The following IGF2R variants were observed in gnomAD, a reference collection of about 807,000 sequenced individuals.
IGF2R encodes the protein insulin like growth factor 2 receptor, also known as cation-independent mannose-6-phosphate receptor.
In IGF2R, 91 loss-of-function variants were observed where a neutral mutation model predicts 270.6. The observed-to-expected ratio is 0.34, with a 90% CI of 0.28 to 0.40. IGF2R has a LOEUF of 0.40. Ranked by LOEUF, IGF2R falls within the 10% of genes least tolerant of loss-of-function variation. IGF2R has a pLI of 1.00. For synonymous variants in IGF2R, 1,316 were observed against 1,258.9 expected, an observed-to-expected ratio of 1.05 and a Z score of -0.96; for missense variants, 2,805 against 3,188.3, an observed-to-expected ratio of 0.88 and a Z score of 2.90.
At chr6:160,086,350 C>T (rs559554846) in intron 41 of IGF2R, among the ~76,000 whole-genome samples, 36 of 152,316 alleles carry the variant, frequency 2.4e-4, no homozygotes, top group African/African-American at 7.9e-4. Context: ...TAATCTTTGG[C>T]GCCAACAAGA....
At chr6:160,021,493 A>G (rs1777433845) in intron 4 of IGF2R, among the ~76,000 whole-genome samples, 1 of 150,960 alleles carries the variant, frequency 6.6e-6, no homozygotes. Flanking sequence ...ACCTAATGCT[A>G]AATGACGAGT....
chr6:159,983,480 G>A (rs1783835851), intron 1 of IGF2R, among the ~76,000 whole-genome samples: 1 of 152,230 alleles, frequency 6.6e-6, no homozygotes, highest in Admixed American at 6.5e-5. Context: ...ACAGTCAGGA[G>A]CAAAACAGTA....
intron 3 of IGF2R, 142 bp from the exon 4 acceptor site, chr6:160,010,545 G>A (rs1022491455): frequency 1.4e-5 from 8 of 570,126 alleles, no homozygotes; most frequent in Admixed American, 6.1e-5. Flanking sequence ...TGATGACCCC[G>A]TTTAACTAAA....
intron 41 of IGF2R, 23 bp downstream of exon 41, chr6:160,085,154 C>T (rs1233795842): frequency 3.1e-6 from 5 of 1,610,098 alleles, no homozygotes; most frequent in Middle Eastern, 2.1e-4. Context: ...GGTCCTGGTC[C>T]TTGGTTCAAG....
At chr6:160,096,731 A>G (rs1203789972) in intron 45 of IGF2R, 106 bp downstream of exon 45, 5 of 939,190 alleles carry the variant, frequency 5.3e-6, no homozygotes, top group Non-Finnish European at 7.8e-6. Flanking sequence ...TATTCAGAAC[A>G]TGCACCAAAA....
chr6:160,068,065 G>T (rs635134), intron 29 of IGF2R, among the ~76,000 whole-genome samples, 184 bp from the exon 30 acceptor site: 17,420 of 77,072 alleles, frequency 0.23, 1,037 homozygotes, highest in Middle Eastern at 0.28. Flanking sequence ...TCTGATGGGG[G>T]GTGTGTGTGT....
At chr6:159,980,240 G>GAAAGA (rs1562330732) in intron 1 of IGF2R, among the ~76,000 whole-genome samples, 1 of 106,762 alleles carries the variant, frequency 9.4e-6, no homozygotes, top group African/African-American at 3.3e-5. Context: ...AGAAAGAAAG[G>GAAAGA]TACATGGAAG....
chr6:160,084,166 T>C lies in IGF2R; in HGVS notation c.6050T>C (p.Leu2017Pro). ...TCCTCTCTCACCGGGTCCTGGTCCC[T>C]CGTCCACAACGGAGTCTCGTGAGTG... ...LLSSLTGSWS[L>P]VHNGVSYYIN... Residue 2017 changes from leucine to proline, a missense_variant, in exon 40 of 48, where the codon CTC (leucine) becomes CCC (proline). Physicochemically the swap from Leu to Pro is moderately conservative, Grantham distance 98. Transcript: ENST00000356956. The surrounding 1 kb of genome is among the most constrained non-coding windows in gnomAD (Gnocchi z 4.6). The C allele has an allele frequency of 6.2e-7, 1 of 1,612,508 alleles. No homozygotes were observed. The highest frequency in any genetic ancestry group is 8.5e-7 in the Non-Finnish European group (1 of 1,178,510).
intron 32 of IGF2R, among the ~76,000 whole-genome samples, chr6:160,072,391 G>T (rs577361874): frequency 6.6e-6 from 1 of 152,194 alleles, no homozygotes; most frequent in South Asian, 2.1e-4. Context: ...CAGTGTAGTG[G>T]ATTGCCAGGA....
chr6:160,054,500 CGTT>C (rs576360077), intron 19 of IGF2R, among the ~76,000 whole-genome samples: 553 of 152,178 alleles, frequency 3.6e-3, no homozygotes, highest in Non-Finnish European at 6.0e-3. Context: ...AAGGGATGGA[CGTT>C]GTCAGGTGGT....
chr6:160,075,063 G>A (rs1431246924), intron 35 of IGF2R, among the ~76,000 whole-genome samples: 1 of 152,194 alleles, frequency 6.6e-6, no homozygotes, highest in Non-Finnish European at 1.5e-5. Context: ...GAAGAGCACT[G>A]TAGCTGAGAA....
At chr6:160,007,990 C>T (rs917372419) in intron 2 of IGF2R, among the ~76,000 whole-genome samples, 4 of 152,306 alleles carry the variant, frequency 2.6e-5, no homozygotes, top group African/African-American at 7.2e-5. Flanking sequence ...AATCTTTTGG[C>T]TTCCCTAGGC....
chr6:160,047,952 T>G (rs1486265457), intron 17 of IGF2R, 45 bp downstream of exon 17: 1 of 1,242,108 alleles, frequency 8.1e-7, no homozygotes, highest in South Asian at 1.2e-5. Context: ...GTACAGATGC[T>G]GAGGTTGCAA....
chr6:160,048,518 G>A lies in IGF2R; in HGVS notation c.2489G>A (p.Cys830Tyr). The A allele has an allele frequency of 6.2e-7, 1 of 1,613,752 alleles. No individual in the cohort carries two copies. Residue 830 changes from cysteine (C) to tyrosine (Y), a missense_variant, in exon 18 of 48, where the codon TGC becomes TAC. Physicochemically the swap from Cys to Tyr is radical, Grantham distance 194. Transcript: ENST00000356956. The part of the protein sequence containing the change: ...VPGCNRYASA[C>Y]QMKYEKDQGS... ...GGCTGCAACCGATATGCATCGGCTTGCCAGATGAAGTATGAAAAAGATCAG... is the reference window on the plus strand; with the variant it reads ...GGCTGCAACCGATATGCATCGGCTTACCAGATGAAGTATGAAAAAGATCAG...
intron 32 of IGF2R, among the ~76,000 whole-genome samples, chr6:160,072,421 G>T (rs1443751929): frequency 6.6e-6 from 1 of 152,200 alleles, no homozygotes; most frequent in Admixed American, 6.5e-5. Flanking sequence ...CTGCCCTTGT[G>T]CTGGGCACCC....
rs573898740 is a variant in IGF2R, at chr6:160,086,840, T to C, written c.6206-1193T>C. Among the ~76,000 whole-genome samples the C allele has an allele frequency of 5.7e-4, 87 of 152,292 alleles. 1 individual carries two copies. Among genetic ancestry groups the C allele is most frequent in the Middle Eastern group, 3.4e-3 (1 of 294 alleles). The stretch of plus-strand genomic sequence containing the variant: ...ACTCGGGAAGTGAGCACTGTGCCCA[T>C]GTTGCCTCCACCGCATGCCCCTGCC... On this transcript the variant is annotated intron_variant, in intron 41 of 47. Coordinates refer to ENST00000356956, the MANE Select transcript of IGF2R (RefSeq NM_000876.4).
intron 3 of IGF2R, among the ~76,000 whole-genome samples, chr6:160,009,878 A>G (rs1296782937): frequency 2.0e-5 from 3 of 152,342 alleles, no homozygotes; most frequent in East Asian, 1.9e-4. Flanking sequence ...GACTGTGACT[A>G]TTGCATCTTC....
chr6:159,986,048 G>A (rs1783877785), intron 1 of IGF2R, among the ~76,000 whole-genome samples: 1 of 151,998 alleles, frequency 6.6e-6, no homozygotes, highest in African/African-American at 2.4e-5. Context: ...CAGGGATCCT[G>A]GGTTGTTTCC....
chr6:160,064,434 G>C lies in IGF2R; in HGVS notation c.3920G>C (p.Gly1307Ala). The C allele has an allele frequency of 6.2e-7, 1 of 1,614,008 alleles. No individual in the cohort carries two copies. Reference protein sequence around the residue: ...LLTQKLTYENGLLKMNFTGGD... With the variant: ...LLTQKLTYENALLKMNFTGGD... ...ACTCAGAAGCTAACTTATGAAAATG[G>C]CTTGTTAAAAATGAACTTCACGGGG... The change falls in exon 28 of 48, where the codon GGC (glycine) becomes GCC (alanine). Residue 1307 changes from glycine to alanine, a missense_variant. Coordinates refer to ENST00000356956, the MANE Select transcript of IGF2R (RefSeq NM_000876.4).
Sources: allele counts gnomAD v4.1 joint callset (sites outside exome capture counted in the v4.1 genomes callset), GRCh38; gene constraint gnomAD v4.1.1; non-coding constraint Gnocchi (gnomAD v3.1); transcripts MANE v1.5; gene names NCBI Gene and HGNC (gene_info 2026-07-23, HGNC 2026-07-21).